FBXL17: variants seen among roughly 807,000 people sequenced by gnomAD.
The protein encoded by FBXL17 is F-box and leucine rich repeat protein 17, also known as F-box/LRR-repeat protein 17.
In FBXL17, 22 loss-of-function variants were observed where a neutral mutation model predicts 66.2. The observed-to-expected ratio is 0.33, with a 90% CI of 0.24 to 0.47. FBXL17 has a LOEUF of 0.47. FBXL17 is among the 20% of genes least tolerant of loss of function. The pLI is 1.00. For synonymous variants in FBXL17, 474 were observed against 400.5 expected (o/e 1.18, Z -2.19); for missense variants, 878 against 948.2 (o/e 0.93, Z 0.97).
chr5:107,902,895 T>C (rs548450175), intron 7 of FBXL17, among the ~76,000 whole-genome samples: 3 of 152,200 alleles, frequency 2.0e-5, no homozygotes, highest in East Asian at 3.9e-4. Context: ...CTCCAGACAA[T>C]TGAAATTTTA....
intron 2 of FBXL17, among the ~76,000 whole-genome samples, chr5:108,366,908 G>C (rs1159236329): frequency 6.6e-6 from 1 of 152,090 alleles, no homozygotes; most frequent in East Asian, 1.9e-4. Context: ...CAGTGTGCTG[G>C]AGTTGGCTTG....
rs144538165 is a variant in FBXL17, at chr5:108,177,600, A to T, written c.1745+8517T>A. The stretch of plus-strand genomic sequence containing the variant: ...GCATGGGTTGGAACTATCCTGGTCA[A>T]ATCAGGATATATGGTCACTCTAGGT... On this transcript the variant is annotated intron_variant, in intron 6 of 8. Coordinates refer to ENST00000542267, the MANE Select transcript of FBXL17 (RefSeq NM_001163315.3). 3.9e-3 allele frequency among the ~76,000 whole-genome samples: 594 copies of T among 152,214 alleles called. 1 individual carries two copies. Among genetic ancestry groups the T allele is most frequent in the African/African-American group, 0.014 (568 of 41,554 alleles).
intron 4 of FBXL17, among the ~76,000 whole-genome samples, chr5:108,328,366 A>C (rs1417923374): frequency 6.6e-6 from 1 of 152,134 alleles, no homozygotes; most frequent in African/African-American, 2.4e-5. Flanking sequence ...GATGAAGAGA[A>C]GTATGTAGAA....
chr5:108,272,665 T>C (rs896507697), intron 4 of FBXL17, among the ~76,000 whole-genome samples: 4 of 152,170 alleles, frequency 2.6e-5, no homozygotes, highest in African/African-American at 9.7e-5. Context: ...TTAGCTACAA[T>C]TTCTATAATA....
intron 4 of FBXL17, among the ~76,000 whole-genome samples, chr5:108,331,821 A>C (rs1760137024): frequency 6.6e-6 from 1 of 152,202 alleles, no homozygotes; most frequent in Non-Finnish European, 1.5e-5. Context: ...AACAAATCAA[A>C]ACTGAAAAAA....
At chr5:108,039,111 G>C (rs933546193) in intron 6 of FBXL17, among the ~76,000 whole-genome samples, 2 of 152,032 alleles carry the variant, frequency 1.3e-5, no homozygotes, top group African/African-American at 4.8e-5. Flanking sequence ...GGGCAGAAAA[G>C]AGGGCCTTCT....
At chr5:107,871,078 A>AAAAAAAAAAAAAAAAAAAAC (rs1554080849) in intron 8 of FBXL17, among the ~76,000 whole-genome samples, 2 of 146,996 alleles carry the variant, frequency 1.4e-5, no homozygotes, top group African/African-American at 5.0e-5. Flanking sequence ...AAAAAAAAAA[A>AAAAAAAAAAAAAAAAAAAAC]ACCTCATCTA....
At chr5:108,082,995 A>G (rs1748826570) in intron 6 of FBXL17, among the ~76,000 whole-genome samples, 1 of 152,206 alleles carries the variant, frequency 6.6e-6, no homozygotes, top group South Asian at 2.1e-4. Flanking sequence ...GTTGTGTAGC[A>G]GTATTGCTGA....
At chr5:108,097,587 G>A (rs1430361842) in intron 6 of FBXL17, among the ~76,000 whole-genome samples, 2 of 151,782 alleles carry the variant, frequency 1.3e-5, no homozygotes, top group African/African-American at 2.4e-5. Context: ...TAAGGAGTTC[G>A]AGACCAGCCT....
chr5:108,092,017 T>C (rs1018509910), intron 6 of FBXL17, among the ~76,000 whole-genome samples: 3 of 152,358 alleles, frequency 2.0e-5, no homozygotes, highest in Admixed American at 2.0e-4. Context: ...ATCTTTCCTC[T>C]GTTTATTTTC....
chr5:108,371,927 A>G (rs141213578), intron 1 of FBXL17, among the ~76,000 whole-genome samples: 2 of 152,182 alleles, frequency 1.3e-5, no homozygotes, highest in African/African-American at 4.8e-5. Context: ...ACTAGTACCA[A>G]ACTCAAATTT....
chr5:107,976,406 T>C (rs1439405283), intron 7 of FBXL17, among the ~76,000 whole-genome samples: 1 of 152,152 alleles, frequency 6.6e-6, no homozygotes, highest in Non-Finnish European at 1.5e-5. Flanking sequence ...TTGGGTAGAT[T>C]TGTTAATTTT....
chr5:108,180,864 T>A (rs1001212890), intron 6 of FBXL17, among the ~76,000 whole-genome samples: 7 of 152,148 alleles, frequency 4.6e-5, no homozygotes, highest in African/African-American at 1.7e-4. Flanking sequence ...AAAGAAAGGC[T>A]CATATATTTG....
chr5:107,893,957 G>A (rs1749288903), intron 7 of FBXL17, among the ~76,000 whole-genome samples: 1 of 152,192 alleles, frequency 6.6e-6, no homozygotes, highest in Non-Finnish European at 1.5e-5. Flanking sequence ...AACGAGGAAG[G>A]AAGGGAATTT....
At chr5:108,046,875 C>T (rs995116855) in intron 6 of FBXL17, among the ~76,000 whole-genome samples, 1 of 152,168 alleles carries the variant, frequency 6.6e-6, no homozygotes, top group African/African-American at 2.4e-5. Context: ...TGTTTGCTTA[C>T]CATGTTCTTT....
chr5:107,987,333 A>G (rs1335314213), intron 7 of FBXL17, among the ~76,000 whole-genome samples: 2 of 151,872 alleles, frequency 1.3e-5, no homozygotes, highest in African/African-American at 4.8e-5. Flanking sequence ...TTTTGTAAAA[A>G]GAAATTTCAA....
At chr5:108,246,948 G>A (rs1412209805) in intron 4 of FBXL17, among the ~76,000 whole-genome samples, 2 of 152,108 alleles carry the variant, frequency 1.3e-5, no homozygotes, top group African/African-American at 4.8e-5. Context: ...CTAATATTGT[G>A]GAATTCACTA....
At chr5:108,223,891 T>A (rs1030582606) in intron 5 of FBXL17, among the ~76,000 whole-genome samples, 6 of 152,204 alleles carry the variant, frequency 3.9e-5, no homozygotes, top group Non-Finnish European at 8.8e-5. Flanking sequence ...TGATATATAT[T>A]TCATAGCCAT....
rs1278321594 is a variant in FBXL17, at chr5:108,005,530, C to T, written c.1822+15395G>A. ...TCTGAAGCTGATTTAAAAATTCCTA[C>T]AGTGGGTAAGAGCTAAGAAACCTTT... On this transcript the variant is annotated intron_variant, in intron 7 of 8. Transcript: ENST00000542267. 2.0e-5 allele frequency among the ~76,000 whole-genome samples: 3 copies of T among 152,156 alleles called. No individual in the cohort carries two copies. The East Asian group carries it at 5.8e-4, about 29-fold the overall frequency.
Sources: allele counts gnomAD v4.1 joint callset (sites outside exome capture counted in the v4.1 genomes callset), GRCh38; gene constraint gnomAD v4.1.1; transcripts MANE v1.5; gene names NCBI Gene and HGNC (gene_info 2026-07-23, HGNC 2026-07-21).